The following PCSK6 variants were observed in gnomAD, a reference collection of about 807,000 sequenced individuals.
PCSK6 encodes the protein proprotein convertase subtilisin/kexin type 6.
A neutral mutation model predicts 123.3 loss-of-function variants in PCSK6; 85 were observed. The observed-to-expected ratio is 0.69, with a 90% CI of 0.58 to 0.83. PCSK6 has a LOEUF of 0.83. Ranked by LOEUF, PCSK6 falls within the 40% of genes least tolerant of loss-of-function variation. The pLI is 0.00. For synonymous variants in PCSK6, 508 were observed against 516.0 expected (o/e 0.98, Z 0.21); for missense variants, 1,191 against 1,282.3 (o/e 0.93, Z 1.09).
At chr15:101,442,599 C>A (rs1189129870) in intron 2 of PCSK6, among the ~76,000 whole-genome samples, 2 of 152,078 alleles carry the variant, frequency 1.3e-5, no homozygotes, top group Non-Finnish European at 2.9e-5. Context: ...CACCAAGAAC[C>A]CATTTTTCCA....
At chr15:101,478,897 T>C (rs539053021) in intron 1 of PCSK6, among the ~76,000 whole-genome samples, 29 of 152,350 alleles carry the variant, frequency 1.9e-4, no homozygotes, top group African/African-American at 7.0e-4. Context: ...GAAGTGAAGA[T>C]AACAAGGTCA....
intron 13 of PCSK6, among the ~76,000 whole-genome samples, chr15:101,354,773 G>A (rs1272152091): frequency 3.3e-5 from 5 of 152,118 alleles, no homozygotes; most frequent in Admixed American, 6.5e-5. Context: ...ATCTGGTTTC[G>A]CCCACCCTCT....
chr15:101,359,998 C>T (rs8031210), intron 13 of PCSK6, among the ~76,000 whole-genome samples: 4 of 152,058 alleles, frequency 2.6e-5, no homozygotes, highest in Non-Finnish European at 5.9e-5. Flanking sequence ...ATCTTCCCCC[C>T]CTGCAATGTT....
At chr15:101,369,676 G>C (rs1366615423) in intron 12 of PCSK6, among the ~76,000 whole-genome samples, 1 of 152,234 alleles carries the variant, frequency 6.6e-6, no homozygotes, top group Non-Finnish European at 1.5e-5. Context: ...CTAATTACCT[G>C]TAAGTCATAT....
intron 6 of PCSK6, among the ~76,000 whole-genome samples, chr15:101,400,458 G>T (rs777937686): frequency 6.6e-6 from 1 of 152,156 alleles, no homozygotes; most frequent in African/African-American, 2.4e-5. Flanking sequence ...ACATCAACAC[G>T]TAGTGCATAC....
intron 13 of PCSK6, chr15:101,347,725 A>G (rs774813293): frequency 6.2e-7 from 1 of 1,613,824 alleles, no homozygotes; most frequent in African/African-American, 1.3e-5. Flanking sequence ...CACAGAGATT[A>G]CCAAAGCTCT....
intron 6 of PCSK6, among the ~76,000 whole-genome samples, chr15:101,405,570 G>T (rs2042748132): frequency 6.6e-6 from 1 of 152,024 alleles, no homozygotes; most frequent in Non-Finnish European, 1.5e-5. Flanking sequence ...ACACCAGTTT[G>T]CCTTGCTTTA....
In PCSK6 at chr15:101,305,193, G is replaced by A. The variant is rs1476437587; in HGVS notation, c.*65C>T. 3 of 1,356,204 alleles carry A rather than the reference G, an allele frequency of 2.2e-6. No homozygotes were observed. The highest frequency in any genetic ancestry group is 2.4e-5 in the South Asian group (2 of 82,012). The allele number at this position is 1,356,204 out of a possible 1,614,324, so 84.0% of individuals were successfully genotyped here. A position where few individuals can be genotyped will look rare whatever the true frequency, so the allele number is the denominator to read the frequency against. ...CTCCTGAAACAGACTCTGGCCGACA[G>A]TCTGGAGGAAGGTGGACGGATGGAT... is the stretch of plus-strand genomic sequence containing the variant. On this transcript the variant is annotated 3_prime_UTR_variant, in exon 22 of 22. Coordinates refer to ENST00000611716, the MANE Select transcript of PCSK6 (RefSeq NM_002570.5). The surrounding 1 kb of genome is among the most constrained non-coding windows in gnomAD (Gnocchi z 4.8).
chr15:101,308,534 T>C (rs2039776114), intron 20 of PCSK6: 1 of 152,266 alleles, frequency 6.6e-6, no homozygotes, highest in Non-Finnish European at 1.5e-5. Flanking sequence ...TTATTCCTAG[T>C]GTGTCTGAGG....
At chr15:101,364,969 T>C (rs1253382280) in intron 13 of PCSK6, 1 of 777,682 alleles carries the variant, frequency 1.3e-6, no homozygotes, top group Non-Finnish European at 2.4e-6. Context: ...TACAGACCAA[T>C]GGAACAGAAT....
At chr15:101,437,713 T>C (rs549964597) in intron 2 of PCSK6, among the ~76,000 whole-genome samples, 5 of 152,206 alleles carry the variant, frequency 3.3e-5, no homozygotes, top group African/African-American at 9.6e-5. Flanking sequence ...GTAAAGCTAC[T>C]CATTTGTAAG....
intron 6 of PCSK6, among the ~76,000 whole-genome samples, chr15:101,406,171 C>T (rs1290667056): frequency 6.6e-6 from 1 of 152,250 alleles, no homozygotes; most frequent in African/African-American, 2.4e-5. Flanking sequence ...TTCTAGGAAG[C>T]TCAACATTAA....
intron 1 of PCSK6, among the ~76,000 whole-genome samples, chr15:101,476,133 TA>T (rs2057725492): frequency 6.6e-6 from 1 of 152,142 alleles, no homozygotes; most frequent in Non-Finnish European, 1.5e-5. Context: ...TCCACATCTG[TA>T]AAATGAGGGT....
intron 1 of PCSK6, among the ~76,000 whole-genome samples, chr15:101,470,397 C>T (rs2057575754): frequency 6.6e-6 from 1 of 152,166 alleles, no homozygotes; most frequent in Non-Finnish European, 1.5e-5. Context: ...AAGTTTTCTG[C>T]TAACCAAGTC....
intron 13 of PCSK6, among the ~76,000 whole-genome samples, chr15:101,339,579 T>A (rs1596201012): frequency 1.3e-5 from 2 of 152,182 alleles, no homozygotes; most frequent in East Asian, 3.8e-4. Context: ...TTTCACAGTA[T>A]GTGAATTATA....
chr15:101,487,236 C>A (rs73485029), intron 1 of PCSK6, among the ~76,000 whole-genome samples: 96 of 152,378 alleles, frequency 6.3e-4, no homozygotes, highest in African/African-American at 2.1e-3. Flanking sequence ...CAGCTCCTAT[C>A]CCCAACCAGC....
At chr15:101,403,923 G>A (rs985932055) in intron 6 of PCSK6, among the ~76,000 whole-genome samples, 6 of 152,158 alleles carry the variant, frequency 3.9e-5, no homozygotes, top group Admixed American at 2.6e-4. Flanking sequence ...GTTTCACCAC[G>A]TTGGCCAGGC....
intron 9 of PCSK6, among the ~76,000 whole-genome samples, chr15:101,384,633 C>T (rs2277589): frequency 0.12 from 18,288 of 152,218 alleles, 1,155 homozygotes; most frequent in South Asian, 0.19. Flanking sequence ...AAAAAAGGTT[C>T]AATGGGTGAC....
chr15:101,315,505 G>A (rs377211238), intron 19 of PCSK6, among the ~76,000 whole-genome samples: 1 of 152,222 alleles, frequency 6.6e-6, no homozygotes, highest in Non-Finnish European at 1.5e-5. Flanking sequence ...TGTTGTTTGC[G>A]GGGCCCAGTA....
Sources: gnomAD v4.1 joint callset for allele counts (sites outside exome capture counted in the v4.1 genomes callset) on GRCh38, gnomAD v4.1.1 for gene constraint, Gnocchi (gnomAD v3.1) non-coding constraint, MANE v1.5 for transcripts, NCBI Gene and HGNC (gene_info 2026-07-23, HGNC 2026-07-21) for gene names.